The following SPINK7 variants were observed in gnomAD, a reference collection of about 807,000 sequenced individuals.
The protein encoded by SPINK7 is serine peptidase inhibitor Kazal type 7, also known as serine protease inhibitor Kazal-type 7.
A neutral mutation model predicts 11.6 loss-of-function variants in SPINK7; 8 were observed. That is an observed-to-expected ratio of 0.69 (90% CI 0.41 to 1.25). SPINK7 has a LOEUF of 1.25. SPINK7 is among the 50% of genes most tolerant of loss of function. The pLI is 0.01. For synonymous variants in SPINK7, 38 were observed against 35.3 expected (o/e 1.08, Z -0.27); for missense variants, 113 against 99.3 (o/e 1.14, Z -0.58).
Position 148,313,858 on chromosome 5 carries a change from T to G in SPINK7, c.88-242T>G. On this transcript the variant is annotated intron_variant, in intron 2 of 3. Coordinates refer to ENST00000274565, the MANE Select transcript of SPINK7 (RefSeq NM_032566.3). ...TCTGAAGATTAAACAAGAAAATTCA[T>G]GCAAGATTTAAGTTTAACGCCTAGC... The G allele has an allele frequency of 5.7e-6, 3 of 525,086 alleles. No homozygotes were observed. In the South Asian group the frequency reaches 1.0e-4, roughly 18 times the overall value. 32.5% of individuals were successfully genotyped at this position (525,086 alleles called of 1,614,324 possible).
intron 1 of SPINK7, 80 bp from the exon 2 acceptor site, chr5:148,313,294 T>C (rs1458232279): frequency 3.7e-6 from 4 of 1,073,822 alleles, no homozygotes; most frequent in Non-Finnish European, 5.5e-6. Context: ...AGAGTAATTA[T>C]ATAGGATGAA....
intron 3 of SPINK7, among the ~76,000 whole-genome samples, chr5:148,315,307 T>C (rs2113400388): frequency 6.6e-6 from 1 of 152,234 alleles, no homozygotes; most frequent in South Asian, 2.1e-4. Context: ...TCCAGCTTCG[T>C]CAAAGGACTT....
intron 2 of SPINK7, 141 bp downstream of exon 2, chr5:148,313,540 C>A: frequency 2.0e-6 from 1 of 502,500 alleles, no homozygotes; most frequent in Admixed American, 3.4e-5. Context: ...CTCCAGAAGG[C>A]AACTAAACAA....
At chr5:148,315,006 GTC>G (rs1241067538) in intron 3 of SPINK7, among the ~76,000 whole-genome samples, 3 of 152,122 alleles carry the variant, frequency 2.0e-5, no homozygotes, top group African/African-American at 7.2e-5. Context: ...ACACTTAACT[GTC>G]TCATAGCAAG....
rs755183103 is a variant in SPINK7, at chr5:148,314,118, A to G, written c.106A>G (p.Lys36Glu). The change falls in exon 3 of 4, where the codon AAG becomes GAG. Residue 36 changes from lysine (K) to glutamate (E), a missense_variant. Physicochemically the swap from Lys to Glu is moderately conservative, Grantham distance 56 (BLOSUM62 1). Coordinates refer to ENST00000274565, the MANE Select transcript of SPINK7 (RefSeq NM_032566.3). ...GACACAGGTGGACTGCAGCATTTAC[A>G]AGAAGTATCCAGTGGTGGCCATCCC... ...SPKKVDCSIYKKYPVVAIPCP... is the reference protein window; with the variant it reads ...SPKKVDCSIYEKYPVVAIPCP... 6.2e-7 allele frequency: 1 copy of G among 1,613,806 alleles called. No homozygotes were observed. Among genetic ancestry groups the G allele is most frequent in the Non-Finnish European group, 8.5e-7 (1 of 1,179,800 alleles).
chr5:148,314,450 T>C, intron 3 of SPINK7: 1 of 561,782 alleles, frequency 1.8e-6, no homozygotes, highest in South Asian at 2.4e-5. Context: ...AACCTCCAGT[T>C]CCTGTCTGTC....
At position 148,314,225 on chromosome 5, in the gene SPINK7, G is replaced by T. The variant is rs149286191; in HGVS notation, c.212+1G>T. On this transcript the variant is annotated splice_donor_variant, in intron 3 of 3. Transcript: ENST00000274565. LOFTEE classifies it high-confidence loss of function. ...AATGTCACTTGTGTACCGAGAGCTT[G>T]TGAGTACCTCATAAGAAGAAAATGA... 1.5e-5 allele frequency: 25 copies of T among 1,613,562 alleles called. No individual in the cohort carries two copies. The highest frequency in any genetic ancestry group is 6.6e-5 in the South Asian group (6 of 91,062).
At chr5:148,315,456 G>A (rs962724362) in intron 3 of SPINK7, among the ~76,000 whole-genome samples, 183 bp from the exon 4 acceptor site, 35 of 152,260 alleles carry the variant, frequency 2.3e-4, no homozygotes, top group African/African-American at 6.5e-4. Flanking sequence ...CACTGGACTA[G>A]GGAAATTCTG....
At chr5:148,313,599 T>C (rs1422710760) in intron 2 of SPINK7, 200 bp downstream of exon 2, 1 of 428,254 alleles carries the variant, frequency 2.3e-6, no homozygotes, top group Non-Finnish European at 4.2e-6. Flanking sequence ...TTTTTAAAAA[T>C]GCCAGAGTTA....
At chr5:148,313,315 A>T in intron 1 of SPINK7, 59 bp from the exon 2 acceptor site, 1 of 1,334,006 alleles carries the variant, frequency 7.5e-7, no homozygotes, top group African/African-American at 1.5e-5. Flanking sequence ...ACTTATATTA[A>T]TTAATGAGAT....
chr5:148,312,467 C>T lies in SPINK7; in HGVS notation c.-17C>T. On this transcript the variant is annotated 5_prime_UTR_variant, in exon 1 of 4. Coordinates refer to ENST00000274565, the MANE Select transcript of SPINK7 (RefSeq NM_032566.3). ...TGACAATCTCAGAGCAGCTTCTACACCACAGCCATTTCCAGCATGAAGATC... is the reference window on the plus strand; with the variant it reads ...TGACAATCTCAGAGCAGCTTCTACATCACAGCCATTTCCAGCATGAAGATC... The T allele has an allele frequency of 6.3e-7, 1 of 1,593,258 alleles. No homozygotes were observed. Among genetic ancestry groups the T allele is most frequent in the Non-Finnish European group, 8.6e-7 (1 of 1,161,316 alleles).
intron 3 of SPINK7, 51 bp downstream of exon 3, chr5:148,314,275 A>G: frequency 6.3e-7 from 1 of 1,594,164 alleles, no homozygotes; most frequent in Non-Finnish European, 8.6e-7. Context: ...GCTCTCTACT[A>G]CAAACGCTTC....
At chr5:148,312,859 A>T (rs1756878892) in intron 1 of SPINK7, among the ~76,000 whole-genome samples, 1 of 152,148 alleles carries the variant, frequency 6.6e-6, no homozygotes, top group Non-Finnish European at 1.5e-5. Flanking sequence ...AGATACAGAA[A>T]AACTTGGATG....
intron 3 of SPINK7, among the ~76,000 whole-genome samples, chr5:148,315,038 A>C (rs1407695304): frequency 1.3e-5 from 2 of 151,342 alleles, no homozygotes; most frequent in Non-Finnish European, 2.9e-5. Flanking sequence ...ATCATCGTTA[A>C]CTCTTTTAGG....
rs1382518060 is a variant in SPINK7, at chr5:148,315,645, TA to T, written c.221del (p.Asn74MetfsTer23). The T allele has an allele frequency of 6.2e-7, 1 of 1,600,674 alleles. No homozygotes were observed. Among genetic ancestry groups the T allele is most frequent in the Non-Finnish European group, 8.6e-7 (1 of 1,168,382 alleles). ...CHLCTESLKS[N>X]GRVQFLHDGS... ...GAACTGTGTCTTCCCTTAGGAAAAG[TA>T]ATGGAAGAGTTCAGTTTCTTCACGA... On this transcript the variant is annotated frameshift_variant, in exon 4 of 4. Transcript: ENST00000274565. LOFTEE classifies it high-confidence loss of function.
rs529889462 is a variant in SPINK7, at chr5:148,314,511, G to A, written c.212+287G>A. 2.0e-5 allele frequency: 9 copies of A among 456,668 alleles called. No homozygotes were observed. The East Asian group carries it at 2.5e-4, about 13-fold the overall frequency. 28.3% of individuals were successfully genotyped at this position (456,668 alleles called of 1,614,324 possible). On this transcript the variant is annotated intron_variant, in intron 3 of 3. Transcript: ENST00000274565. ...GGATTCTCAAACTGCTGTCCCCAGA[G>A]CACAGAGGTTCTATAGAGGCAAGTC...
At position 148,313,405 on chromosome 5, in the gene SPINK7, T is replaced by C; in HGVS notation, c.87+6T>C. On this transcript the variant is annotated splice_donor_region_variant and intron_variant, in intron 2 of 3. Coordinates refer to ENST00000274565, the MANE Select transcript of SPINK7 (RefSeq NM_032566.3). ...CTAGTCTGTCTCCAAAAAAAGTAAG[T>C]ATGTTGAATAACATTTTAATGTCAA... is the stretch of plus-strand genomic sequence containing the variant. 1.3e-6 allele frequency: 2 copies of C among 1,588,402 alleles called. No individual in the cohort carries two copies. Among genetic ancestry groups the C allele is most frequent in the East Asian group, 2.3e-5 (1 of 44,348 alleles).
At chr5:148,315,562 A>T in intron 3 of SPINK7, 77 bp from the exon 4 acceptor site, 1 of 859,956 alleles carries the variant, frequency 1.2e-6, no homozygotes, top group Non-Finnish European at 2.0e-6. Flanking sequence ...CATAATCTCT[A>T]TAGTTCCTTT....
At position 148,313,306 on chromosome 5, in the gene SPINK7, C is replaced by T. The variant is rs1311446268; in HGVS notation, c.62-68C>T. The T allele has an allele frequency of 3.2e-6, 4 of 1,237,426 alleles. No homozygotes were observed. In the South Asian group the frequency reaches 5.3e-5, roughly 16 times the overall value. The allele number at this position is 1,237,426 out of a possible 1,614,324, so 76.7% of individuals were successfully genotyped here. On this transcript the variant is annotated intron_variant, in intron 1 of 3. Transcript: ENST00000274565. ...TGTAGAGTAATTATATAGGATGAAA[C>T]TTATATTAATTAATGAGATTTAAAG...
Sources: gnomAD v4.1 joint callset for allele counts (sites outside exome capture counted in the v4.1 genomes callset) on GRCh38, gnomAD v4.1.1 for gene constraint, MANE v1.5 for transcripts, NCBI Gene and HGNC (gene_info 2026-07-23, HGNC 2026-07-21) for gene names.